Variants in CPSF2 observed in about 807,000 individuals in gnomAD.
CPSF2 encodes cleavage and polyadenylation specificity factor subunit 2.
A neutral mutation model predicts 84.2 loss-of-function variants in CPSF2; 51 were observed. The ratio of observed to expected loss-of-function variants is 0.61; its 90% CI spans 0.48 to 0.77. The LOEUF is 0.77. Ranked by LOEUF, CPSF2 falls within the 30% of genes least tolerant of loss-of-function variation. The pLI, the probability that CPSF2 is intolerant of heterozygous loss-of-function variation, is 0.00. For missense variants in CPSF2, 641 were observed against 929.4 expected (o/e 0.69, Z 4.03); for synonymous variants, 286 against 311.9 (o/e 0.92, Z 0.87).
At chr14:92,154,144 A>C in intron 9 of CPSF2, 1 of 365,878 alleles carries the variant, frequency 2.7e-6, no homozygotes, top group Non-Finnish European at 5.0e-6. Flanking sequence ...ATTTAAATTA[A>C]ACCCATTCTA....
intron 9 of CPSF2, among the ~76,000 whole-genome samples, chr14:92,149,682 G>A (rs1330555459): frequency 6.6e-6 from 1 of 152,020 alleles, no homozygotes; most frequent in East Asian, 1.9e-4. Flanking sequence ...TTTGAGATGG[G>A]TCTTGCTCTG....
intron 14 of CPSF2, 59 bp from the exon 15 acceptor site, chr14:92,161,053 A>C: frequency 6.6e-7 from 1 of 1,523,924 alleles, no homozygotes; most frequent in South Asian, 1.2e-5. Flanking sequence ...TTTATTCAGT[A>C]CAGTTGTATG....
At chr14:92,129,533 T>G (rs550263131) in intron 2 of CPSF2, among the ~76,000 whole-genome samples, 22 of 152,252 alleles carry the variant, frequency 1.4e-4, no homozygotes, top group African/African-American at 5.3e-4. Context: ...TAAGAAATTA[T>G]TAGGTAACTC....
intron 11 of CPSF2, among the ~76,000 whole-genome samples, chr14:92,155,589 C>G (rs2069278779): frequency 6.6e-6 from 1 of 152,012 alleles, no homozygotes; most frequent in South Asian, 2.1e-4. Context: ...ATCACGTGAT[C>G]AAGACTTTTT....
rs896380899 is a variant in CPSF2, at chr14:92,169,484, G to A, written c.*7740G>A. On this transcript the variant is annotated 3_prime_UTR_variant, in exon 16 of 16. Coordinates refer to ENST00000298875, the MANE Select transcript of CPSF2 (RefSeq NM_017437.3). ...AGTATCAAATTATGTAGATGATGAC[G>A]AAGTTATAAGGTTACTATAATTTCC... The A allele has an allele frequency of 1.3e-5, 2 of 152,202 alleles. No homozygotes were observed. Among genetic ancestry groups the A allele is most frequent in the Admixed American group, 6.5e-5 (1 of 15,286 alleles). 9.4% of individuals were successfully genotyped at this position (152,202 alleles called of 1,614,324 possible). A position where few individuals can be genotyped will look rare whatever the true frequency, so the allele number is the denominator to read the frequency against.
Position 92,157,669 on chromosome 14 carries a change from A to T in CPSF2, c.1606A>T (p.Thr536Ser). 1 of 1,611,262 alleles carries T rather than the reference A, an allele frequency of 6.2e-7. No individual in the cohort carries two copies. The highest frequency in any genetic ancestry group is 8.5e-7 in the Non-Finnish European group (1 of 1,177,430). ...TESIEIKARV[T>S]YIDYEGRSDG... is the part of the protein sequence containing the mutation. Reference sequence around the variant, plus strand: ...CATATCTAATTACAGAGCCCGGGTTACCTACATAGACTATGAAGGACGCTC... The same window carrying T: ...CATATCTAATTACAGAGCCCGGGTTTCCTACATAGACTATGAAGGACGCTC... Residue 536 changes from threonine to serine, a missense_variant, in exon 13 of 16, where the codon ACC becomes TCC. Coordinates refer to ENST00000298875, the MANE Select transcript of CPSF2 (RefSeq NM_017437.3). This position sits in a 1 kb window ranked among gnomAD's most constrained non-coding sequence, Gnocchi z 4.0.
chr14:92,172,098 A>G lies in CPSF2; in HGVS notation c.*10354A>G, dbSNP rs17127980. On this transcript the variant is annotated 3_prime_UTR_variant, in exon 16 of 16. Transcript: ENST00000298875. ...TGGCAGTGCCAAAGCAGGCATTCCAATTCACATGGTGCTCTAGCAATTGTG... is the reference window on the plus strand; with the variant it reads ...TGGCAGTGCCAAAGCAGGCATTCCAGTTCACATGGTGCTCTAGCAATTGTG... The G allele has an allele frequency of 0.2, 30,870 of 152,232 alleles. 3,370 individuals are homozygous for G. Among genetic ancestry groups the G allele is most frequent in the East Asian group, 0.29 (1,513 of 5,166 alleles). 9.4% of individuals were successfully genotyped at this position (152,232 alleles called of 1,614,324 possible).
At chr14:92,145,849 CTAAT>C (rs2069136343) in intron 9 of CPSF2, among the ~76,000 whole-genome samples, 2 of 152,190 alleles carry the variant, frequency 1.3e-5, no homozygotes, top group Non-Finnish European at 2.9e-5. Flanking sequence ...TTTTTAATAA[CTAAT>C]GCTGATGCTC....
rs775867123 is a variant in CPSF2, at chr14:92,143,051, A to G, written c.897A>G (p.Arg299=). ...TGATGAGATGTTTTGAAGACAAAAG[A>G]AATAATCCGTTTCAGTTTCGCCATC... ...DKLMRCFEDK[R]NNPFQFRHLS... Residue 299 remains arginine, a synonymous_variant, in exon 9 of 16, where the codon AGA becomes AGG. Coordinates refer to ENST00000298875, the MANE Select transcript of CPSF2 (RefSeq NM_017437.3). The G allele has an allele frequency of 6.2e-6, 10 of 1,613,860 alleles. No individual in the cohort carries two copies. Among genetic ancestry groups the G allele is most frequent in the Non-Finnish European group, 6.8e-6 (8 of 1,179,880 alleles).
rs1251202450 is a variant in CPSF2, at chr14:92,163,242, A to G, written c.*1498A>G. On this transcript the variant is annotated 3_prime_UTR_variant, in exon 16 of 16. Coordinates refer to ENST00000298875, the MANE Select transcript of CPSF2 (RefSeq NM_017437.3). ...TTGGAAGGATCGATCTTATTTAACT[A>G]TGTGTGGAACAACCCAGTAATATCA... 1 of 152,154 alleles carries G rather than the reference A, an allele frequency of 6.6e-6. No individual in the cohort carries two copies. The highest frequency in any genetic ancestry group is 1.9e-4 in the East Asian group (1 of 5,192). 9.4% of individuals were successfully genotyped at this position (152,154 alleles called of 1,614,324 possible).
chr14:92,135,937 G>T (rs887260888), intron 6 of CPSF2, among the ~76,000 whole-genome samples: 1 of 152,140 alleles, frequency 6.6e-6, no homozygotes, highest in African/African-American at 2.4e-5. Context: ...GGAGATGATT[G>T]AATTATGAGG....
At chr14:92,152,316 A>T (rs886658560) in intron 9 of CPSF2, among the ~76,000 whole-genome samples, 3 of 151,428 alleles carry the variant, frequency 2.0e-5, no homozygotes, top group Non-Finnish European at 2.9e-5. Context: ...TTTAGTAGAG[A>T]TGGGCTTTCT....
At position 92,156,554 on chromosome 14, in the gene CPSF2, T is replaced by C; in HGVS notation, c.1518T>C (p.Asn506=). The change falls in exon 12 of 16, where the codon AAT becomes AAC. Residue 506 remains asparagine (N), a synonymous_variant. Transcript: ENST00000298875. ...GCAAATTAGAATCTGGTTTGACAAA[T>C]GGAGATGAACCTATGGATCAGGATT... The part of the protein sequence containing the change: ...EKSKLESGLT[N]GDEPMDQDLS... 1.2e-6 allele frequency: 2 copies of C among 1,612,604 alleles called. No individual in the cohort carries two copies. The highest frequency in any genetic ancestry group is 1.7e-6 in the Non-Finnish European group (2 of 1,178,870).
Position 92,138,263 on chromosome 14 carries a change from A to G in CPSF2, c.577A>G (p.Ser193Gly), listed in dbSNP as rs1309527247. The change falls in exon 7 of 16, where the codon AGC becomes GGC. Residue 193 changes from serine to glycine, a missense_variant. Physicochemically the swap from Ser to Gly is moderately conservative, Grantham distance 56. Coordinates refer to ENST00000298875, the MANE Select transcript of CPSF2 (RefSeq NM_017437.3). Reference sequence around the variant, plus strand: ...AAATGGATGTTCCCTGGAAATGCTAAGCAGGCCTTCCCTACTTATCACAGA... The same window carrying G: ...AAATGGATGTTCCCTGGAAATGCTAGGCAGGCCTTCCCTACTTATCACAGA... ...HLNGCSLEML[S>G]RPSLLITDSF... 3 of 1,605,774 alleles carry G rather than the reference A, an allele frequency of 1.9e-6. No individual in the cohort carries two copies. Among genetic ancestry groups the G allele is most frequent in the Non-Finnish European group, 2.5e-6 (3 of 1,176,636 alleles).
chr14:92,136,818 A>G (rs904602454), intron 6 of CPSF2, among the ~76,000 whole-genome samples: 1 of 152,194 alleles, frequency 6.6e-6, no homozygotes, highest in Non-Finnish European at 1.5e-5. Context: ...ACCATTTTGG[A>G]AAAAAATCAA....
At chr14:92,130,789 A>T (rs2068914064) in intron 2 of CPSF2, among the ~76,000 whole-genome samples, 162 bp from the exon 3 acceptor site, 1 of 152,224 alleles carries the variant, frequency 6.6e-6, no homozygotes, top group Non-Finnish European at 1.5e-5. Context: ...ACTTAAAAAA[A>T]AAAAGTAAAC....
At chr14:92,156,243 G>A (rs933056009) in intron 11 of CPSF2, among the ~76,000 whole-genome samples, 2 of 152,056 alleles carry the variant, frequency 1.3e-5, no homozygotes, top group African/African-American at 2.4e-5. Context: ...AGCCGAGATG[G>A]CGCCACCACA....
chr14:92,154,518 T>G (rs2069263796), intron 10 of CPSF2, 60 bp downstream of exon 10: 3 of 1,137,512 alleles, frequency 2.6e-6, no homozygotes, highest in South Asian at 1.6e-5. Context: ...AATGTGTCCT[T>G]GACTTAAATG....
chr14:92,148,928 C>T (rs140502216), intron 9 of CPSF2, among the ~76,000 whole-genome samples: 35 of 152,086 alleles, frequency 2.3e-4, no homozygotes, highest in African/African-American at 7.2e-4. Context: ...TACATAGTAC[C>T]TGGTATATTA....
Sources: gnomAD v4.1 joint callset for allele counts (sites outside exome capture counted in the v4.1 genomes callset) on GRCh38, gnomAD v4.1.1 for gene constraint, Gnocchi (gnomAD v3.1) non-coding constraint, MANE v1.5 for transcripts, NCBI Gene and HGNC (gene_info 2026-07-23, HGNC 2026-07-21) for gene names.